STARD9: variants seen among roughly 807,000 people sequenced by gnomAD.
STARD9 encodes StAR related lipid transfer domain containing 9.
Under a neutral mutation model 399.8 loss-of-function variants are expected in STARD9, and 346 were observed. The ratio of observed to expected loss-of-function variants is 0.87; its 90% CI spans 0.79 to 0.95. The LOEUF (loss-of-function observed/expected upper bound fraction) is 0.95, where lower values mean the gene tolerates loss of function less well. Ranked by LOEUF, STARD9 falls within the 40% of genes least tolerant of loss-of-function variation. STARD9 has a pLI of 0.00. For synonymous variants in STARD9, 2,203 were observed against 2,143.5 expected (o/e 1.03, Z -0.77); for missense variants, 5,832 against 5,667.5 (o/e 1.03, Z -0.93).
In STARD9 at chr15:42,663,416, C is replaced by T. The variant is rs1219084466; in HGVS notation, c.1004C>T (p.Pro335Leu). The change falls in exon 12 of 33, where the codon CCA (proline) becomes CTA (leucine). Residue 335 changes from proline to leucine, a missense_variant. This residue lies in a region of STARD9 where 5,828 missense variants were observed against 5,651.1 expected (regional missense o/e 1.03). Coordinates refer to ENST00000290607, the MANE Select transcript of STARD9 (RefSeq NM_020759.3). ...CCCTCCCGAAGGCAGTCTTATATCC[C>T]ATACCGAGACTCTGTGTTGACCTGG... ...GAPSRRQSYI[P>L]YRDSVLTWLL... 6.5e-7 allele frequency: 1 copy of T among 1,537,318 alleles called. No homozygotes were observed. The highest frequency in any genetic ancestry group is 2.4e-5 in the East Asian group (1 of 40,920).
rs1253229212 is a variant in STARD9 at position 42,718,003 on chromosome 15, A to G, written c.13586A>G (p.Gln4529Arg). ...TATCAGGGTGAGGAGCAGGCGGTGC[A>G]GCTTTACTACAAGGTGTTTTCTCCC... ...WNYQGEEQAVQLYYKVFSPTR... is the reference protein window; with the variant it reads ...WNYQGEEQAVRLYYKVFSPTR... Residue 4529 changes from glutamine to arginine, a missense_variant, in exon 30 of 33, where the codon CAG (glutamine) becomes CGG (arginine). Physicochemically the swap from Gln to Arg is conservative, Grantham distance 43 (BLOSUM62 1). Coordinates refer to ENST00000290607, the MANE Select transcript of STARD9 (RefSeq NM_020759.3). 2.0e-6 allele frequency: 3 copies of G among 1,536,954 alleles called. No individual in the cohort carries two copies. The highest frequency in any genetic ancestry group is 2.6e-6 in the Non-Finnish European group (3 of 1,146,878).
At chr15:42,661,833 G>C (rs965099679) in intron 10 of STARD9, among the ~76,000 whole-genome samples, 11 of 152,082 alleles carry the variant, frequency 7.2e-5, no homozygotes, top group Admixed American at 5.9e-4. Flanking sequence ...GGGAGTGCAA[G>C]CATCAGGATA....
intron 1 of STARD9, 138 bp downstream of exon 1, chr15:42,575,900 C>T: frequency 2.1e-6 from 2 of 958,992 alleles, no homozygotes; most frequent in East Asian, 2.7e-5. Flanking sequence ...CCGGAATCCA[C>T]GGAGGCCTGG....
intron 1 of STARD9, chr15:42,581,574 A>G (rs956792435): frequency 4.7e-5 from 43 of 909,250 alleles, no homozygotes; most frequent in Non-Finnish European, 7.1e-5. Context: ...GCGGGTGGAA[A>G]AGCGAGCTCT....
chr15:42,706,109 A>G (rs2061074324), intron 26 of STARD9, among the ~76,000 whole-genome samples: 1 of 152,186 alleles, frequency 6.6e-6, no homozygotes, highest in Admixed American at 6.5e-5. Context: ...AATTGCAAGA[A>G]CTTGTTACTA....
In STARD9 at chr15:42,692,979, C is replaced by A; in HGVS notation, c.11401C>A (p.Gln3801Lys). Reference sequence around the variant, plus strand: ...GAAAATGGCTCAGCTCCTCTATCTTCAGGAAGAAAGCACTCCCTACAAGCC... The same window carrying A: ...GAAAATGGCTCAGCTCCTCTATCTTAAGGAAGAAAGCACTCCCTACAAGCC... ...AQKMAQLLYL[Q>K]EESTPYKPQS... Residue 3801 changes from glutamine to lysine, a missense_variant, in exon 23 of 33, where the codon CAG becomes AAG. Gln to Lys is a moderately conservative substitution (Grantham distance 53). Transcript: ENST00000290607. 6.5e-7 allele frequency: 1 copy of A among 1,537,222 alleles called. No homozygotes were observed. Among genetic ancestry groups the A allele is most frequent in the Non-Finnish European group, 8.7e-7 (1 of 1,146,902 alleles).
At chr15:42,649,920 G>T (rs992996460) in intron 7 of STARD9, among the ~76,000 whole-genome samples, 3 of 145,786 alleles carry the variant, frequency 2.1e-5, no homozygotes, top group Non-Finnish European at 4.5e-5. Flanking sequence ...AGGCTGGAGT[G>T]CAATGGCGCG....
At chr15:42,665,225 A>G in intron 13 of STARD9, 28 bp from the exon 14 acceptor site, 2 of 1,514,136 alleles carry the variant, frequency 1.3e-6, no homozygotes, top group Non-Finnish European at 1.8e-6. Flanking sequence ...GATAACAATC[A>G]GTGGTGATGG....
Position 42,657,315 on chromosome 15 carries a change from G to C in STARD9, c.703-3843G>C, listed in dbSNP as rs937102064. Among the ~76,000 whole-genome samples the C allele has an allele frequency of 2.7e-5, 4 of 147,814 alleles. No homozygotes were observed. In the Middle Eastern group the frequency reaches 0.011, roughly 393 times the overall value. ...GCAGAGGTTGCAGTGAGCTGAGATC[G>C]TACCATCACACTCCAGCCTGGGCAA... On this transcript the variant is annotated intron_variant, in intron 9 of 32. Transcript: ENST00000290607.
At chr15:42,576,080 G>A (rs1255392054) in intron 1 of STARD9, among the ~76,000 whole-genome samples, 3 of 152,178 alleles carry the variant, frequency 2.0e-5, no homozygotes, top group Non-Finnish European at 4.4e-5. Context: ...AGAAAGGCTG[G>A]GAGAGGGATG....
chr15:42,630,927 C>G (rs901146621), intron 3 of STARD9, among the ~76,000 whole-genome samples: 1 of 149,234 alleles, frequency 6.7e-6, no homozygotes, highest in East Asian at 2.0e-4. Flanking sequence ...TATTTCTGCT[C>G]TAAGTTTTTT....
rs1395546869 is a variant in STARD9 at position 42,693,456 on chromosome 15, G to A, written c.11878G>A (p.Gly3960Ser). Residue 3960 changes from glycine to serine, a missense_variant, in exon 23 of 33, where the codon GGC (glycine) becomes AGC (serine). Gly to Ser is a moderately conservative substitution (Grantham distance 56). Coordinates refer to ENST00000290607, the MANE Select transcript of STARD9 (RefSeq NM_020759.3). ...NYSQTTDELG[G>S]SQRGRSSLQR... ...TTCCCAAACCACTGACGAGTTAGGTGGCTCCCAGAGAGGTAGAAGTTCCTT... is the reference window on the plus strand; with the variant it reads ...TTCCCAAACCACTGACGAGTTAGGTAGCTCCCAGAGAGGTAGAAGTTCCTT... 1.0e-5 allele frequency: 16 copies of A among 1,537,216 alleles called. No homozygotes were observed. Among genetic ancestry groups the A allele is most frequent in the Non-Finnish European group, 1.3e-5 (15 of 1,146,900 alleles).
intron 3 of STARD9, among the ~76,000 whole-genome samples, chr15:42,621,443 AAAG>A (rs2059091789): frequency 6.6e-6 from 1 of 152,232 alleles, no homozygotes; most frequent in Admixed American, 6.5e-5. Flanking sequence ...TTAATTGAGC[AAAG>A]AAGAATTTAC....
intron 1 of STARD9, chr15:42,581,170 T>A (rs577078197): frequency 2.0e-5 from 15 of 761,316 alleles, no homozygotes; most frequent in Admixed American, 1.9e-4. Flanking sequence ...GCTGCATGTT[T>A]CCTGTCATGA....
At chr15:42,717,936 T>C in intron 29 of STARD9, 41 bp from the exon 30 acceptor site, 1 of 1,530,570 alleles carries the variant, frequency 6.5e-7, no homozygotes, top group Non-Finnish European at 8.8e-7. Flanking sequence ...GAGCCCATTT[T>C]TGACCCCTTT....
rs1399023597 is a variant in STARD9 at position 42,652,589 on chromosome 15, G to A, written c.699G>A (p.Thr233=). ...ACGCCATTTTCACGATCCACTACAC[G>A]CAGGTTGGTAACTCCTTATGTTTGG... ...RSHAIFTIHY[T]QAILENNLPS... The change falls in exon 9 of 33, where the codon ACG becomes ACA. Residue 233 remains threonine, a synonymous_variant. Transcript: ENST00000290607. 3.3e-6 allele frequency: 5 copies of A among 1,537,254 alleles called. No individual in the cohort carries two copies. The highest frequency in any genetic ancestry group is 1.2e-5 in the South Asian group (1 of 84,046).
Position 42,689,210 on chromosome 15 carries a change from T to A in STARD9, c.7632T>A (p.His2544Gln). 7 of 1,537,256 alleles carry A rather than the reference T, an allele frequency of 4.6e-6. No individual in the cohort carries two copies. Among genetic ancestry groups the A allele is most frequent in the Non-Finnish European group, 6.1e-6 (7 of 1,146,908 alleles). The change falls in exon 23 of 33, where the codon CAT becomes CAA. Residue 2544 changes from histidine (H) to glutamine (Q), a missense_variant. Around this residue, in one of 2 missense-constraint regions of STARD9, gnomAD observed 5,828 missense variants for 5,651.1 expected, o/e 1.03. Transcript: ENST00000290607. ...CTAGGCTGTTGGAGCCCTCTGACCATGCATCCATGTGCCTGGCCATCTTGG... is the reference window on the plus strand; with the variant it reads ...CTAGGCTGTTGGAGCCCTCTGACCAAGCATCCATGTGCCTGGCCATCTTGG... The part of the protein sequence containing the change: ...PEPRLLEPSD[H>Q]ASMCLAILEE...
At position 42,689,735 on chromosome 15, in the gene STARD9, C is replaced by T; in HGVS notation, c.8157C>T (p.Ala2719=). ...TRTPSSADPL[A]PDSPRSSAPV... The stretch of plus-strand genomic sequence containing the variant: ...CACCTTCCTCAGCTGATCCTTTGGC[C>T]CCAGACAGTCCTCGTTCTTCAGCAC... The change falls in exon 23 of 33, where the codon GCC becomes GCT. Residue 2719 remains alanine, a synonymous_variant. Coordinates refer to ENST00000290607, the MANE Select transcript of STARD9 (RefSeq NM_020759.3). The T allele has an allele frequency of 6.5e-7, 1 of 1,537,746 alleles. No homozygotes were observed.
chr15:42,601,491 GC>G (rs1295172739), intron 3 of STARD9, among the ~76,000 whole-genome samples: 9 of 151,052 alleles, frequency 6.0e-5, no homozygotes, highest in African/African-American at 2.2e-4. Context: ...CCGGGCGGGG[GC>G]TGCCCCCCAC....
Sources: allele counts gnomAD v4.1 joint callset (sites outside exome capture counted in the v4.1 genomes callset), GRCh38; gene constraint gnomAD v4.1.1; regional missense constraint gnomAD v4.1.1; transcripts MANE v1.5; gene names NCBI Gene and HGNC (gene_info 2026-07-23, HGNC 2026-07-21).